BRSK2: variants seen among roughly 807,000 people sequenced by gnomAD.
BRSK2 encodes BR serine/threonine kinase 2, also known as serine/threonine-protein kinase BRSK2.
In BRSK2, 19 loss-of-function variants were observed where a neutral mutation model predicts 83.3. The observed-to-expected ratio is 0.23, with a 90% CI of 0.16 to 0.33. The LOEUF is 0.33. BRSK2 is among the 10% of genes least tolerant of loss of function. BRSK2 has a pLI of 1.00. For synonymous variants in BRSK2, 519 were observed against 435.4 expected, an observed-to-expected ratio of 1.19 and a Z score of -2.39; for missense variants, 798 against 1,042.3, an observed-to-expected ratio of 0.77 and a Z score of 3.23.
At chr11:1,406,380 G>A (rs1447282146) in intron 1 of BRSK2, among the ~76,000 whole-genome samples, 6 of 152,230 alleles carry the variant, frequency 3.9e-5, no homozygotes, top group Admixed American at 3.9e-4. Flanking sequence ...GCTGAGGCGG[G>A]AGAATGGCAT....
At chr11:1,437,461 A>G (rs1590527453) in intron 2 of BRSK2, among the ~76,000 whole-genome samples, 1 of 152,168 alleles carries the variant, frequency 6.6e-6, no homozygotes, top group East Asian at 1.9e-4. Context: ...CCAGGCTTGC[A>G]TGTCTGAGGG....
In BRSK2 at chr11:1,443,876, G is replaced by A. The variant is rs145493237; in HGVS notation, c.780+241G>A. On this transcript the variant is annotated intron_variant, in intron 8 of 19. Transcript: ENST00000528841. ...TGTTCAAGTGTGTGTGCGCACCCAGGTGTGGGAGTGCCCAGGCGTGTGTGG... is the reference window on the plus strand; with the variant it reads ...TGTTCAAGTGTGTGTGCGCACCCAGATGTGGGAGTGCCCAGGCGTGTGTGG... 2.2e-4 allele frequency among the ~76,000 whole-genome samples: 34 copies of A among 152,270 alleles called. No homozygotes were observed. The East Asian group carries it at 4.8e-3, about 22-fold the overall frequency.
intron 4 of BRSK2, among the ~76,000 whole-genome samples, chr11:1,441,248 C>A (rs1186286475): frequency 1.3e-5 from 1 of 76,512 alleles, no homozygotes; most frequent in South Asian, 6.6e-4. Context: ...CACCGTCCCC[C>A]CCATTAGCGG....
Position 1,451,437 on chromosome 11 carries a change from G to A in BRSK2, c.1544+18G>A. 2 of 1,612,314 alleles carry A rather than the reference G, an allele frequency of 1.2e-6. No individual in the cohort carries two copies. Among genetic ancestry groups the A allele is most frequent in the Non-Finnish European group, 1.7e-6 (2 of 1,179,504 alleles). On this transcript the variant is annotated intron_variant, in intron 15 of 19. Coordinates refer to ENST00000528841, the MANE Select transcript of BRSK2 (RefSeq NM_001256627.2). ...TCCCCAGAGTAAGTGGCCCCTGCTG[G>A]AGGCCTCCTGGTACCTGACACCAGG... is the stretch of plus-strand genomic sequence containing the variant.
In BRSK2 at chr11:1,459,173, T is replaced by C. The variant is rs1263610621; in HGVS notation, c.1940-19T>C. 1.9e-6 allele frequency: 3 copies of C among 1,612,536 alleles called. No individual in the cohort carries two copies. Among genetic ancestry groups the C allele is most frequent in the African/African-American group, 1.3e-5 (1 of 74,678 alleles). On this transcript the variant is annotated intron_variant, in intron 18 of 19. Coordinates refer to ENST00000528841, the MANE Select transcript of BRSK2 (RefSeq NM_001256627.2). ...CCTTTCACTCACTCCCTCCCTCCTC[T>C]CTCCATTCTGTACTCCAGACACCAC...
intron 1 of BRSK2, among the ~76,000 whole-genome samples, chr11:1,421,436 C>T (rs1564819212): frequency 6.6e-6 from 1 of 152,038 alleles, no homozygotes; most frequent in Non-Finnish European, 1.5e-5. Context: ...AGCTGCATCC[C>T]ACCTTTGTTT....
chr11:1,401,548 C>G (rs1043689619), intron 1 of BRSK2, among the ~76,000 whole-genome samples: 1 of 152,222 alleles, frequency 6.6e-6, no homozygotes, highest in African/African-American at 2.4e-5. Context: ...GCAGCCCCAC[C>G]TCCTGCAGGC....
intron 1 of BRSK2, among the ~76,000 whole-genome samples, chr11:1,418,474 G>A (rs1337260902): frequency 7.0e-6 from 1 of 143,486 alleles, no homozygotes; most frequent in East Asian, 2.2e-4. Flanking sequence ...TTGAGAGTGG[G>A]TCACACTGTG....
At chr11:1,416,528 C>G (rs7122378) in intron 1 of BRSK2, among the ~76,000 whole-genome samples, 36,244 of 152,140 alleles carry the variant, frequency 0.24, 4,594 homozygotes, top group African/African-American at 0.28. Context: ...CACGTTCCCC[C>G]GGCTTTCATT....
intron 1 of BRSK2, among the ~76,000 whole-genome samples, chr11:1,419,857 A>G (rs1848475434): frequency 1.3e-5 from 2 of 152,238 alleles, no homozygotes; most frequent in African/African-American, 4.8e-5. Context: ...AGATTGCAGT[A>G]AGCCGAGATG....
chr11:1,419,148 C>CA (rs1564816420), intron 1 of BRSK2, among the ~76,000 whole-genome samples: 1 of 102,842 alleles, frequency 9.7e-6, no homozygotes, highest in African/African-American at 3.9e-5. Context: ...GCACTGGTGG[C>CA]GGGGGGGGCC....
chr11:1,403,448 G>A (rs1018587500), intron 1 of BRSK2, among the ~76,000 whole-genome samples: 1 of 152,204 alleles, frequency 6.6e-6, no homozygotes, highest in Non-Finnish European at 1.5e-5. Context: ...GGGCCTGGGG[G>A]CCCTGCGCTC....
chr11:1,429,504 G>C (rs1421899166), intron 1 of BRSK2, among the ~76,000 whole-genome samples: 1 of 152,224 alleles, frequency 6.6e-6, no homozygotes, highest in African/African-American at 2.4e-5. Context: ...GGGCCCTGCT[G>C]CTCTGTCGCC....
Position 1,408,616 on chromosome 11 carries a change from A to G in BRSK2, c.91+18241A>G, listed in dbSNP as rs926874967. On this transcript the variant is annotated intron_variant, in intron 1 of 19. Transcript: ENST00000528841. ...CATCCTGACAGGCGGAATTCATCGC[A>G]GACCCTCAACCTGATGGCACAGGTC... is the stretch of plus-strand genomic sequence containing the variant. Among the ~76,000 whole-genome samples the G allele has an allele frequency of 2.6e-5, 4 of 152,188 alleles. No individual in the cohort carries two copies. The South Asian group carries it at 8.3e-4, about 32-fold the overall frequency.
intron 19 of BRSK2, chr11:1,459,596 G>A (rs1016569322): frequency 9.5e-6 from 3 of 316,782 alleles, no homozygotes; most frequent in African/African-American, 4.2e-5. Flanking sequence ...TCCACTGGAG[G>A]CTGTGCCTGG....
chr11:1,437,603 G>A (rs1439478160), intron 2 of BRSK2, among the ~76,000 whole-genome samples: 1 of 152,172 alleles, frequency 6.6e-6, no homozygotes, highest in Non-Finnish European at 1.5e-5. Flanking sequence ...TGGATGGGGG[G>A]CACGTGCCCT....
At chr11:1,443,027 C>G in intron 5 of BRSK2, 79 bp from the exon 6 acceptor site, 1 of 1,463,860 alleles carries the variant, frequency 6.8e-7, no homozygotes, top group Non-Finnish European at 9.1e-7. Flanking sequence ...CCTTGAGGGC[C>G]CTGCGGTGCA....
At chr11:1,459,134 A>C in intron 18 of BRSK2, 58 bp from the exon 19 acceptor site, 1 of 1,561,860 alleles carries the variant, frequency 6.4e-7, no homozygotes, top group Non-Finnish European at 8.8e-7. Context: ...GTCCAGCCAG[A>C]AGGCCCAGGA....
chr11:1,400,962 T>C, intron 1 of BRSK2, among the ~76,000 whole-genome samples: 1 of 152,212 alleles, frequency 6.6e-6, no homozygotes, highest in East Asian at 1.9e-4. Context: ...TCCCTGCTGG[T>C]GCATGCCCAG....
Sources: gnomAD v4.1 joint callset for allele counts (sites outside exome capture counted in the v4.1 genomes callset) on GRCh38, gnomAD v4.1.1 for gene constraint, MANE v1.5 for transcripts, NCBI Gene and HGNC (gene_info 2026-07-23, HGNC 2026-07-21) for gene names.